The following MGST1 variants were observed in gnomAD, a reference collection of about 807,000 sequenced individuals.
The protein encoded by MGST1 is microsomal glutathione S-transferase 1.
MGST1 carries 5 observed loss-of-function variants against 8.9 expected under a neutral mutation model. The ratio of observed to expected loss-of-function variants is 0.56; its 90% CI spans 0.29 to 1.19. The LOEUF (loss-of-function observed/expected upper bound fraction) is 1.19, where lower values mean the gene tolerates loss of function less well. Ranked by LOEUF, MGST1 falls within the 50% of genes most tolerant of loss-of-function variation. The pLI, the probability that MGST1 is intolerant of heterozygous loss-of-function variation, is 0.08. For missense variants in MGST1, 182 were observed against 187.4 expected (o/e 0.97, Z 0.17); for synonymous variants, 54 against 67.8 (o/e 0.80, Z 1.00).
chr12:16,489,212 G>A (rs935642047), intron 4 of MGST1, among the ~76,000 whole-genome samples: 2 of 151,964 alleles, frequency 1.3e-5, no homozygotes, highest in African/African-American at 4.8e-5. Context: ...ACAATTTTGG[G>A]CCATTATAAA....
At chr12:16,519,778 G>A (rs1307398012) in intron 4 of MGST1, among the ~76,000 whole-genome samples, 1 of 151,944 alleles carries the variant, frequency 6.6e-6, no homozygotes, top group African/African-American at 2.4e-5. Flanking sequence ...CTGGTTTTTG[G>A]TTTGTTTCAG....
chr12:16,391,119 T>A (rs2137052024), intron 1 of MGST1, among the ~76,000 whole-genome samples: 1 of 149,906 alleles, frequency 6.7e-6, no homozygotes, highest in East Asian at 2.0e-4. Flanking sequence ...TTGGAAAATG[T>A]CTATGTCCTT....
In MGST1 at chr12:16,546,656, T is replaced by C. The variant is rs1230166295; in HGVS notation, n.483-42872T>C. ...TGTGTGTAATTGTTAACACCTGCTA[T>C]GTGTTACCAACAGATGTTTCTTACT... On this transcript the variant is annotated intron_variant and non_coding_transcript_variant, in intron 4 of 4. Transcript: ENST00000538857. This position sits in a 1 kb window ranked among gnomAD's most constrained non-coding sequence, Gnocchi z 4.7. 6.6e-6 allele frequency among the ~76,000 whole-genome samples: 1 copy of C among 152,174 alleles called. No individual in the cohort carries two copies. The highest frequency in any genetic ancestry group is 2.4e-5 in the African/African-American group (1 of 41,460).
At chr12:16,456,321 G>A (rs1366902121) in intron 4 of MGST1, among the ~76,000 whole-genome samples, 1 of 151,818 alleles carries the variant, frequency 6.6e-6, no homozygotes, top group East Asian at 1.9e-4. Flanking sequence ...AAAATACATT[G>A]TAGCCCCAAA....
chr12:16,409,082 G>A (rs551005748), intron 1 of MGST1, among the ~76,000 whole-genome samples: 2 of 152,116 alleles, frequency 1.3e-5, no homozygotes, highest in East Asian at 3.9e-4. Context: ...GATCAGTATT[G>A]TGTAGCCTGT....
chr12:16,526,575 G>C (rs189172771), intron 4 of MGST1, among the ~76,000 whole-genome samples: 79 of 151,942 alleles, frequency 5.2e-4, no homozygotes, highest in Non-Finnish European at 1.0e-3. Context: ...TTGATACTAA[G>C]CATATTTTTG....
In MGST1 at chr12:16,475,828, C is replaced by T. The variant is rs1591740029; in HGVS notation, n.482+92224C>T. 2.0e-5 allele frequency among the ~76,000 whole-genome samples: 3 copies of T among 152,210 alleles called. No homozygotes were observed. In the East Asian group the frequency reaches 5.8e-4, roughly 29 times the overall value. On this transcript the variant is annotated intron_variant and non_coding_transcript_variant, in intron 4 of 4. Coordinates refer to the MGST1 transcript ENST00000538857. ...TTAATGATTATTTACTGAGCATCTA[C>T]TATGTGCCTGATTCATTGTTAAGTA...
intron 1 of MGST1, among the ~76,000 whole-genome samples, chr12:16,436,139 G>T (rs1203287671): frequency 1.3e-5 from 2 of 151,810 alleles, no homozygotes; most frequent in Non-Finnish European, 2.9e-5. Flanking sequence ...ACAGGAAAAA[G>T]GCATTTCTAA....
intron 4 of MGST1, among the ~76,000 whole-genome samples, chr12:16,450,709 C>T (rs1159595624): frequency 6.6e-6 from 1 of 151,940 alleles, no homozygotes; most frequent in East Asian, 1.9e-4. Flanking sequence ...CTAATGAAGT[C>T]ACTTTCTTCC....
In MGST1 at chr12:16,482,518, C is replaced by G. The variant is rs1941370903; in HGVS notation, n.482+98914C>G. 6.6e-6 allele frequency among the ~76,000 whole-genome samples: 1 copy of G among 152,014 alleles called. No homozygotes were observed. The highest frequency in any genetic ancestry group is 2.4e-5 in the African/African-American group (1 of 41,394). On this transcript the variant is annotated intron_variant and non_coding_transcript_variant, in intron 4 of 4. Coordinates refer to the MGST1 transcript ENST00000538857. This position sits in a 1 kb window ranked among gnomAD's most constrained non-coding sequence, Gnocchi z 4.2. ...CAGTGGCAGGCGCCTGTAATCCTAG[C>G]TACTCGGGAGGCCGAGGCAGGAGAA...
At position 16,354,395 on chromosome 12, in the gene MGST1, T is replaced by C. The variant is rs368142274; in HGVS notation, c.126+17T>C. ...ACAAGAAAGGTAAGAAATTTGGAGG[T>C]AATATTTTCTTACTTTTAAGAGTTG... On this transcript the variant is annotated intron_variant, in intron 2 of 3. Coordinates refer to ENST00000396210, the MANE Select transcript of MGST1 (RefSeq NM_020300.5). 6.3e-6 allele frequency: 10 copies of C among 1,583,198 alleles called. No homozygotes were observed. The highest frequency in any genetic ancestry group is 8.5e-6 in the Non-Finnish European group (10 of 1,172,254).
At chr12:16,440,523 T>A (rs752275829), downstream of MGST1, among the ~76,000 whole-genome samples, 2 of 151,832 alleles carry the variant, frequency 1.3e-5, no homozygotes, top group African/African-American at 4.8e-5. Flanking sequence ...CTGTTTTTTG[T>A]CTAACTCAAC....
chr12:16,427,809 AT>A (rs1940903265), intron 1 of MGST1, among the ~76,000 whole-genome samples: 1 of 151,954 alleles, frequency 6.6e-6, no homozygotes, highest in Admixed American at 6.5e-5. Context: ...TAAAAAACTT[AT>A]TTTTTTAATG....
chr12:16,568,056 A>G (rs766683260), intron 4 of MGST1, among the ~76,000 whole-genome samples: 13 of 152,220 alleles, frequency 8.5e-5, no homozygotes, highest in Non-Finnish European at 1.9e-4. Flanking sequence ...TAGACTTAGT[A>G]CTACACTGGC....
chr12:16,538,374 C>A (rs769579348), intron 4 of MGST1, among the ~76,000 whole-genome samples: 4 of 152,098 alleles, frequency 2.6e-5, no homozygotes, highest in Non-Finnish European at 5.9e-5. Context: ...GTCTTCTGAG[C>A]CCTCCAAACT....
chr12:16,394,554 CTTTCTTTCTTTCT>C (rs1215698850), intron 1 of MGST1, among the ~76,000 whole-genome samples: 3 of 81,940 alleles, frequency 3.7e-5, no homozygotes, highest in African/African-American at 8.4e-5. Flanking sequence ...TTCTTTCTTT[CTTTCTTTCTTTCT>C]TTCTTTCTTC....
chr12:16,494,240 A>C (rs1380855707), intron 4 of MGST1, among the ~76,000 whole-genome samples: 1 of 152,176 alleles, frequency 6.6e-6, no homozygotes, highest in Non-Finnish European at 1.5e-5. Flanking sequence ...AATATACCAC[A>C]TGGAAAGTAC....
chr12:16,515,618 G>A (rs570397499), intron 4 of MGST1, among the ~76,000 whole-genome samples: 64 of 133,476 alleles, frequency 4.8e-4, no homozygotes, highest in Non-Finnish European at 7.2e-4. Flanking sequence ...CAACAAGAGC[G>A]AAACTCTATC....
intron 1 of MGST1, among the ~76,000 whole-genome samples, chr12:16,425,435 A>T (rs966998810): frequency 2.6e-5 from 4 of 152,090 alleles, no homozygotes; most frequent in Non-Finnish European, 4.4e-5. Context: ...GATGTGAGCC[A>T]CCAATGCCTG....
Sources: allele counts gnomAD v4.1 joint callset (sites outside exome capture counted in the v4.1 genomes callset), GRCh38; gene constraint gnomAD v4.1.1; non-coding constraint Gnocchi (gnomAD v3.1); transcripts MANE v1.5; gene names NCBI Gene and HGNC (gene_info 2026-07-23, HGNC 2026-07-21).